PDIA4: variants seen among roughly 807,000 people sequenced by gnomAD.
The protein encoded by PDIA4 is protein disulfide isomerase family A member 4, also known as protein disulfide-isomerase A4.
Under a neutral mutation model 62.1 loss-of-function variants are expected in PDIA4, and 33 were observed. The observed-to-expected ratio is 0.53, with a 90% CI of 0.40 to 0.71. The LOEUF is 0.71. Among genes scored for constraint, PDIA4 ranks in the 30% least tolerant of loss-of-function variants. PDIA4 has a pLI of 0.00. For missense variants in PDIA4, 804 were observed against 813.6 expected, an observed-to-expected ratio of 0.99 and a Z score of 0.14; for synonymous variants, 341 against 324.1, an observed-to-expected ratio of 1.05 and a Z score of -0.56.
intron 7 of PDIA4, 150 bp downstream of exon 7, chr7:149,008,009 T>A (rs769427993): frequency 1.3e-5 from 9 of 717,694 alleles, no homozygotes; most frequent in Non-Finnish European, 2.0e-5. Context: ...GCAGAAAACC[T>A]GTGGGGTGGG....
At chr7:149,005,065 C>A (rs28532077) in intron 9 of PDIA4, 76 bp downstream of exon 9, 2 of 1,158,548 alleles carry the variant, frequency 1.7e-6, no homozygotes, top group Non-Finnish European at 2.6e-6. Context: ...GAGCACCAGA[C>A]GCCCCTGGCC....
intron 4 of PDIA4, among the ~76,000 whole-genome samples, chr7:149,012,805 T>C (rs1823996103): frequency 1.3e-5 from 2 of 151,150 alleles, no homozygotes; most frequent in Admixed American, 6.6e-5. Flanking sequence ...CCACGGGAGG[T>C]GGGGCGAAGA....
At chr7:149,020,721 GACGT>G (rs889069461) in intron 2 of PDIA4, among the ~76,000 whole-genome samples, 2 of 152,202 alleles carry the variant, frequency 1.3e-5, no homozygotes, top group Non-Finnish European at 1.5e-5. Flanking sequence ...ACCATCAGAG[GACGT>G]ATTCATCTTT....
At chr7:149,005,595 G>A (rs933277680) in intron 8 of PDIA4, among the ~76,000 whole-genome samples, 1 of 152,170 alleles carries the variant, frequency 6.6e-6, no homozygotes, top group Non-Finnish European at 1.5e-5. Context: ...CAGGTGGCAC[G>A]GCCACGCCTG....
intron 1 of PDIA4, among the ~76,000 whole-genome samples, chr7:149,024,813 TTAAAAAAA>T (rs1160093917): frequency 1.1e-4 from 6 of 53,514 alleles, no homozygotes; most frequent in Admixed American, 3.2e-4. Flanking sequence ...AGACTGTCAT[TTAAAAAAA>T]AAAAAAAAAA....
chr7:149,025,463 T>C (rs191029878), intron 1 of PDIA4, among the ~76,000 whole-genome samples: 92 of 152,334 alleles, frequency 6.0e-4, no homozygotes, highest in African/African-American at 2.1e-3. Context: ...AGAACTGTTA[T>C]CAGCTACGGT....
chr7:149,021,575 C>T (rs536899608), intron 1 of PDIA4, among the ~76,000 whole-genome samples: 2 of 151,898 alleles, frequency 1.3e-5, no homozygotes, highest in Admixed American at 6.6e-5. Context: ...GGGCCCACCA[C>T]GTCATTGGCT....
At chr7:149,017,422 G>C (rs1053749396) in intron 3 of PDIA4, among the ~76,000 whole-genome samples, 3 of 151,962 alleles carry the variant, frequency 2.0e-5, no homozygotes, top group African/African-American at 7.3e-5. Context: ...CGTCTCTACT[G>C]AAAATACAAA....
Position 149,019,053 on chromosome 7 carries a change from G to C in PDIA4, c.414C>G (p.Pro138=), listed in dbSNP as rs754852675. Residue 138 remains proline (P), a synonymous_variant, in exon 3 of 10, where the codon CCC becomes CCG. Transcript: ENST00000652332. ...LASRFDVSGY[P]TIKILKKGQA... ...GCCCCTTCTTAAGGATCTTGATGGT[G>C]GGGTAGCCACTCACATCAAACCTGC... 9 of 1,613,562 alleles carry C rather than the reference G, an allele frequency of 5.6e-6. No individual in the cohort carries two copies. In the Admixed American group the frequency reaches 6.7e-5, roughly 12 times the overall value.
chr7:149,016,207 A>G (rs1020901221), intron 3 of PDIA4, among the ~76,000 whole-genome samples: 15 of 152,152 alleles, frequency 9.9e-5, no homozygotes, highest in African/African-American at 3.4e-4. Flanking sequence ...AGGCAGGAGA[A>G]CCCACTTGAA....
Position 149,004,004 on chromosome 7 carries a change from C to T in PDIA4, c.1728G>A (p.Lys576=). Residue 576 remains lysine, a synonymous_variant, in exon 10 of 10, where the codon AAG becomes AAA. Transcript: ENST00000652332. The stretch of plus-strand genomic sequence containing the variant: ...CGTCCATCTTGGCGATGACCAGGCC[C>T]TTTTGGCCCTTGTACTTCTTGGCCA... ...NSLAKKYKGQ[K]GLVIAKMDAT... is the part of the protein sequence containing the mutation. 1 of 1,614,182 alleles carries T rather than the reference C, an allele frequency of 6.2e-7. No homozygotes were observed. The highest frequency in any genetic ancestry group is 8.5e-7 in the Non-Finnish European group (1 of 1,179,992).
rs1301027776 is a variant in PDIA4 at position 149,008,234 on chromosome 7, C to T, written c.1056G>A (p.Gln352=). The change falls in exon 7 of 10, where the codon CAG becomes CAA. Residue 352 remains glutamine, a synonymous_variant. Transcript: ENST00000652332. ...CAGGCTGCATTACAACCAACTGCCC[C>T]TGGGAGACTTTCAAGAACTTTGCTA... ...TEIAKFLKVS[Q]GQLVVMQPEK... is the part of the protein sequence containing the mutation. 1.2e-6 allele frequency: 2 copies of T among 1,614,016 alleles called. No individual in the cohort carries two copies. The highest frequency in any genetic ancestry group is 1.7e-5 in the Admixed American group (1 of 60,002).
Position 149,019,045 on chromosome 7 carries a change from T to C in PDIA4, c.422A>G (p.Lys141Arg), listed in dbSNP as rs139897574. 789 of 1,613,828 alleles carry C rather than the reference T, an allele frequency of 4.9e-4. 18 individuals are homozygous for C. The East Asian group carries it at 0.017, about 36-fold the overall frequency. Residue 141 changes from lysine (K) to arginine (R), a missense_variant, in exon 3 of 10, where the codon AAG (lysine) becomes AGG (arginine). Coordinates refer to ENST00000652332, the MANE Select transcript of PDIA4 (RefSeq NM_004911.5). Reference protein sequence around the residue: ...RFDVSGYPTIKILKKGQAVDY... With the variant: ...RFDVSGYPTIRILKKGQAVDY... ...TACAGCCTGCCCCTTCTTAAGGATC[T>C]TGATGGTGGGGTAGCCACTCACATC...
intron 1 of PDIA4, among the ~76,000 whole-genome samples, chr7:149,022,018 C>G (rs996416577): frequency 6.6e-6 from 1 of 152,316 alleles, no homozygotes; most frequent in South Asian, 2.1e-4. Flanking sequence ...ACAGGCAGGG[C>G]CTTCAGTAAC....
intron 7 of PDIA4, 116 bp from the exon 8 acceptor site, chr7:149,006,169 G>T: frequency 9.4e-7 from 1 of 1,059,008 alleles, no homozygotes; most frequent in Non-Finnish European, 1.3e-6. Context: ...AGTCTTAGGA[G>T]GCAAAACACC....
At chr7:149,020,740 C>T (rs1824314524) in intron 2 of PDIA4, among the ~76,000 whole-genome samples, 1 of 152,156 alleles carries the variant, frequency 6.6e-6, no homozygotes, top group South Asian at 2.1e-4. Flanking sequence ...ATCTTTAACC[C>T]ACTGGACTGA....
intron 7 of PDIA4, chr7:149,006,316 C>T (rs2129503910): frequency 2.5e-6 from 1 of 405,360 alleles, no homozygotes; most frequent in African/African-American, 2.1e-5. Context: ...TGTAGGCTCA[C>T]TAACCCCACA....
In PDIA4 at chr7:149,021,073, C is replaced by A. The variant is rs767502349; in HGVS notation, c.163G>T (p.Asp55Tyr). ...CCATTTTCTTCCTTAACTTCCAAGTCGTCTTCTTCCTCATCATCATCTTCC... is the reference window on the plus strand; with the variant it reads ...CCATTTTCTTCCTTAACTTCCAAGTAGTCTTCTTCCTCATCATCATCTTCC... Reference protein sequence around the residue: ...EEEDDDEEEDDLEVKEENGVL... With the variant: ...EEEDDDEEEDYLEVKEENGVL... Residue 55 changes from aspartate to tyrosine, a missense_variant, in exon 2 of 10, where the codon GAC (aspartate) becomes TAC (tyrosine). By Grantham distance (160) the Asp-to-Tyr change is radical (BLOSUM62 -3). Coordinates refer to ENST00000652332, the MANE Select transcript of PDIA4 (RefSeq NM_004911.5). 3 of 1,613,770 alleles carry A rather than the reference C, an allele frequency of 1.9e-6. No individual in the cohort carries two copies. Among genetic ancestry groups the A allele is most frequent in the Non-Finnish European group, 2.5e-6 (3 of 1,179,802 alleles).
chr7:149,026,138 G>A (rs930589858), intron 1 of PDIA4, among the ~76,000 whole-genome samples: 3 of 152,140 alleles, frequency 2.0e-5, no homozygotes, highest in Non-Finnish European at 4.4e-5. Context: ...GTGAGGTAGT[G>A]CAGACTTGAA....
Sources: gnomAD v4.1 joint callset for allele counts (sites outside exome capture counted in the v4.1 genomes callset) on GRCh38, gnomAD v4.1.1 for gene constraint, MANE v1.5 for transcripts, NCBI Gene and HGNC (gene_info 2026-07-23, HGNC 2026-07-21) for gene names.